CALN1: variants seen among roughly 807,000 people sequenced by gnomAD.
CALN1 encodes calneuron 1.
A neutral mutation model predicts 30.6 loss-of-function variants in CALN1; 17 were observed. The observed-to-expected ratio is 0.56, with a 90% confidence interval of 0.38 to 0.83. The LOEUF (loss-of-function observed/expected upper bound fraction) is 0.83. Ranked by LOEUF, CALN1 falls within the 40% of genes least tolerant of loss-of-function variation. The pLI, the probability that CALN1 is intolerant of heterozygous loss-of-function variation, is 0.00. For synonymous variants in CALN1, 156 were observed against 131.4 expected, an observed-to-expected ratio of 1.19 and a Z score of -1.28; for missense variants, 291 against 354.9, an observed-to-expected ratio of 0.82 and a Z score of 1.45.
the CALN1 span, among the ~76,000 whole-genome samples, chr7:72,490,821 G>T: frequency 0.15 from 23,501 of 152,180 alleles, 2,000 homozygotes; most frequent in African/African-American, 0.2. Context: ...GCAGAACTAT[G>T]AGTCAATTAA....
chr7:71,805,163 A>T (rs112289234), intron 6 of CALN1, among the ~76,000 whole-genome samples: 22 of 152,214 alleles, frequency 1.4e-4, no homozygotes, highest in African/African-American at 4.6e-4. Flanking sequence ...CTCTGCCACA[A>T]AATGTCTGTT....
intron 2 of CALN1, among the ~76,000 whole-genome samples, chr7:72,392,569 G>T (rs1354851166): frequency 1.3e-5 from 2 of 152,164 alleles, no homozygotes; most frequent in African/African-American, 2.4e-5. Flanking sequence ...CTTGTACCCA[G>T]AGTAGTACTG....
At chr7:72,111,592 C>T (rs370149410) in intron 3 of CALN1, among the ~76,000 whole-genome samples, 6 of 151,908 alleles carry the variant, frequency 3.9e-5, no homozygotes, top group African/African-American at 1.2e-4. Context: ...TGAGTACACA[C>T]CACCATGCTC....
At chr7:72,222,102 T>A (rs953499722) in intron 3 of CALN1, among the ~76,000 whole-genome samples, 1 of 152,086 alleles carries the variant, frequency 6.6e-6, no homozygotes, top group Non-Finnish European at 1.5e-5. Context: ...GGCACAAGCC[T>A]GTAGTCCCAG....
intron 3 of CALN1, among the ~76,000 whole-genome samples, chr7:72,200,469 G>A (rs935907061): frequency 2.6e-5 from 4 of 152,126 alleles, no homozygotes; most frequent in Admixed American, 6.6e-5. Context: ...ATAGTGTCTC[G>A]TATTATTTCA....
At chr7:71,858,767 T>G (rs1358843634) in intron 5 of CALN1, among the ~76,000 whole-genome samples, 1 of 152,162 alleles carries the variant, frequency 6.6e-6, no homozygotes, top group African/African-American at 2.4e-5. Context: ...TCAAGTTGTC[T>G]TGCCTTTCCC....
chr7:72,219,117 C>G (rs2023725), intron 3 of CALN1, among the ~76,000 whole-genome samples: 107,834 of 152,176 alleles, frequency 0.71, 38,890 homozygotes, highest in East Asian at 1. Flanking sequence ...CTCAGCCATT[C>G]TATTTCTCAA....
At chr7:72,033,688 A>C (rs1051554053) in intron 4 of CALN1, among the ~76,000 whole-genome samples, 2 of 152,164 alleles carry the variant, frequency 1.3e-5, no homozygotes, top group Admixed American at 1.3e-4. Context: ...TGGATAGAGG[A>C]TCCCCATAGG....
chr7:72,454,198 G>A, the CALN1 span, among the ~76,000 whole-genome samples: 1 of 152,162 alleles, frequency 6.6e-6, no homozygotes. Flanking sequence ...CATCATCTGT[G>A]GGATCTCTGC....
intron 6 of CALN1, among the ~76,000 whole-genome samples, chr7:71,792,564 G>C (rs759568335): frequency 6.6e-6 from 1 of 152,136 alleles, no homozygotes; most frequent in Non-Finnish European, 1.5e-5. Flanking sequence ...CCTTGGGGTA[G>C]AGATGGGCTT....
In CALN1 at chr7:72,358,972, A is replaced by T. The variant is rs1260631088; in HGVS notation, c.119+44279T>A. On this transcript the variant is annotated intron_variant, in intron 2 of 6. Transcript: ENST00000395275. ...AGGTGAGACTCTACCTCAAAAAAAA[A>T]AAAAAATTACATTGGGTGCTACCAA... Among the ~76,000 whole-genome samples the T allele has an allele frequency of 1.3e-5, 2 of 151,698 alleles. 1 individual carries two copies. The highest frequency in any genetic ancestry group is 2.9e-5 in the Non-Finnish European group (2 of 67,948).
intron 5 of CALN1, among the ~76,000 whole-genome samples, chr7:71,959,359 T>G (rs993060261): frequency 6.6e-6 from 1 of 152,192 alleles, no homozygotes; most frequent in Admixed American, 6.5e-5. Flanking sequence ...AAACACAGGA[T>G]TGGAGAATCC....
chr7:72,012,089 C>G (rs1359811549), intron 5 of CALN1, among the ~76,000 whole-genome samples: 1 of 152,132 alleles, frequency 6.6e-6, no homozygotes, highest in Non-Finnish European at 1.5e-5. Context: ...AGATATGAAA[C>G]CAGTGGTGCC....
At chr7:71,847,772 GA>G (rs1491395382) in intron 5 of CALN1, among the ~76,000 whole-genome samples, 89 of 126,220 alleles carry the variant, frequency 7.1e-4, no homozygotes, top group African/African-American at 1.9e-3. Context: ...AGAAGAAGAA[GA>G]AAGAAGAAGA....
At chr7:72,139,585 C>A (rs1233761142) in intron 3 of CALN1, among the ~76,000 whole-genome samples, 1 of 151,772 alleles carries the variant, frequency 6.6e-6, no homozygotes, top group African/African-American at 2.4e-5. Context: ...TCGGCCACAC[C>A]CCTTTCTAAG....
chr7:72,461,134 C>T, the CALN1 span, among the ~76,000 whole-genome samples: 2 of 152,066 alleles, frequency 1.3e-5, no homozygotes, highest in Non-Finnish European at 2.9e-5. Flanking sequence ...ATGAACCGGA[C>T]CCACGAAGGG....
intron 6 of CALN1, among the ~76,000 whole-genome samples, chr7:71,796,522 G>A (rs1584235525): frequency 6.6e-6 from 1 of 152,030 alleles, no homozygotes; most frequent in South Asian, 2.1e-4. Flanking sequence ...ACCACGCCCG[G>A]CTAATTTTTT....
intron 2 of CALN1, among the ~76,000 whole-genome samples, chr7:72,334,241 G>A (rs986315023): frequency 3.3e-5 from 5 of 152,158 alleles, no homozygotes; most frequent in African/African-American, 9.7e-5. Flanking sequence ...CTCTCGTAAT[G>A]AGAACCAGTG....
chr7:71,983,485 T>G (rs1798506522), intron 5 of CALN1, among the ~76,000 whole-genome samples: 1 of 152,034 alleles, frequency 6.6e-6, no homozygotes, highest in South Asian at 2.1e-4. Context: ...ACAGAGGAAG[T>G]GGATTAAACT....
Sources: allele counts gnomAD v4.1 joint callset (sites outside exome capture counted in the v4.1 genomes callset), GRCh38; gene constraint gnomAD v4.1.1; transcripts MANE v1.5; gene names NCBI Gene and HGNC (gene_info 2026-07-23, HGNC 2026-07-21).